ADGRV1: variants seen among roughly 807,000 people sequenced by gnomAD.
ADGRV1 encodes the protein adhesion G protein-coupled receptor V1.
Under a neutral mutation model 596.2 loss-of-function variants are expected in ADGRV1, and 359 were observed. That is an observed-to-expected ratio of 0.60 (90% CI 0.55 to 0.66). ADGRV1 has a LOEUF of 0.66. Ranked by LOEUF, ADGRV1 falls within the 30% of genes least tolerant of loss-of-function variation. ADGRV1 has a pLI of 0.00. For missense variants in ADGRV1, 7,274 were observed against 7,575.6 expected, an observed-to-expected ratio of 0.96 and a Z score of 1.48; for synonymous variants, 2,681 against 2,679.2, an observed-to-expected ratio of 1.00 and a Z score of -0.02.
chr5:90,728,099 T>A (rs2149808629), intron 48 of ADGRV1, among the ~76,000 whole-genome samples: 1 of 152,336 alleles, frequency 6.6e-6, no homozygotes, highest in South Asian at 2.1e-4. Flanking sequence ...AAGTTCCTAA[T>A]TGTTGACTGA....
intron 82 of ADGRV1, among the ~76,000 whole-genome samples, chr5:90,858,625 A>C (rs964381389): frequency 1.3e-5 from 2 of 152,050 alleles, no homozygotes; most frequent in Non-Finnish European, 2.9e-5. Flanking sequence ...TGGGATTACA[A>C]ATGTGAACCA....
At chr5:91,034,801 T>A (rs1010164235) in intron 85 of ADGRV1, among the ~76,000 whole-genome samples, 1 of 152,154 alleles carries the variant, frequency 6.6e-6, no homozygotes, top group African/African-American at 2.4e-5. Flanking sequence ...TTGGTGGACA[T>A]CCTCTTTATC....
intron 87 of ADGRV1, among the ~76,000 whole-genome samples, chr5:91,125,165 A>G (rs1233535498): frequency 1.3e-5 from 2 of 152,188 alleles, no homozygotes; most frequent in Non-Finnish European, 2.9e-5. Flanking sequence ...TATTGCATGT[A>G]TTCTCAACAC....
intron 83 of ADGRV1, among the ~76,000 whole-genome samples, chr5:90,930,076 T>A (rs568007207): frequency 4.7e-4 from 72 of 152,344 alleles, no homozygotes; most frequent in African/African-American, 1.7e-3. Flanking sequence ...CTAAACATCT[T>A]CTTTTTGTTG....
intron 86 of ADGRV1, among the ~76,000 whole-genome samples, chr5:91,079,217 A>G (rs1001554770): frequency 2.0e-5 from 3 of 152,212 alleles, no homozygotes; most frequent in African/African-American, 7.2e-5. Context: ...TAAAAAAACA[A>G]TGCCTTGGGG....
chr5:90,573,721 A>G (rs941873538), intron 1 of ADGRV1, among the ~76,000 whole-genome samples: 1 of 152,208 alleles, frequency 6.6e-6, no homozygotes, highest in African/African-American at 2.4e-5. Flanking sequence ...TGAAGTTTTA[A>G]AATGTTGTTT....
chr5:91,047,413 C>T (rs535229844), intron 85 of ADGRV1, among the ~76,000 whole-genome samples: 3 of 152,188 alleles, frequency 2.0e-5, no homozygotes, highest in South Asian at 2.1e-4. Context: ...TGAGGAGCAA[C>T]GAAGCCAGTC....
At chr5:90,945,257 T>C (rs185075676) in intron 83 of ADGRV1, among the ~76,000 whole-genome samples, 253 of 152,244 alleles carry the variant, frequency 1.7e-3, no homozygotes, top group African/African-American at 5.8e-3. Context: ...TTTTTTGTTC[T>C]TCTCTGTTCT....
rs75371831 is a variant in ADGRV1, at chr5:90,900,947, AT to A, written c.17856+37096del. Among the ~76,000 whole-genome samples the A allele has an allele frequency of 4.6e-3, 701 of 152,004 alleles. 6 individuals carry two copies. Among genetic ancestry groups the A allele is most frequent in the Non-Finnish European group, 7.2e-3 (491 of 67,994 alleles). On this transcript the variant is annotated intron_variant, in intron 83 of 89. Coordinates refer to ENST00000405460, the MANE Select transcript of ADGRV1 (RefSeq NM_032119.4). ...AATATTTTGGCATATTTGTTTTCAGATTTTTTCCCCTGACTAATCCCATTTT... is the reference window on the plus strand; with the variant it reads ...AATATTTTGGCATATTTGTTTTCAGATTTTTCCCCTGACTAATCCCATTTT...
chr5:91,069,954 T>G (rs1162446653), intron 85 of ADGRV1, among the ~76,000 whole-genome samples: 3 of 149,430 alleles, frequency 2.0e-5, no homozygotes, highest in Admixed American at 2.0e-4. Context: ...TGAAATCATG[T>G]CCTTTGCGAC....
intron 83 of ADGRV1, among the ~76,000 whole-genome samples, chr5:90,893,906 G>T (rs1771061651): frequency 6.6e-6 from 1 of 152,140 alleles, no homozygotes; most frequent in South Asian, 2.1e-4. Flanking sequence ...TATTTTAGGT[G>T]TAAATGTATC....
chr5:90,978,992 A>T (rs1049752393), intron 84 of ADGRV1, among the ~76,000 whole-genome samples: 26 of 152,258 alleles, frequency 1.7e-4, no homozygotes, highest in African/African-American at 5.5e-4. Context: ...TATTCTGATA[A>T]GCCTTTGTAA....
chr5:90,660,542 T>A (rs1199529821), intron 21 of ADGRV1, among the ~76,000 whole-genome samples: 1 of 152,050 alleles, frequency 6.6e-6, no homozygotes, highest in Non-Finnish European at 1.5e-5. Flanking sequence ...TTAAAAAAAA[T>A]TCCCTCAAAA....
At chr5:90,704,903 C>A (rs6894453) in intron 36 of ADGRV1, among the ~76,000 whole-genome samples, 53,065 of 151,626 alleles carry the variant, frequency 0.35, 9,547 homozygotes, top group Admixed American at 0.49. Context: ...CGCCGCCTCC[C>A]GGGTTCAAGC....
chr5:90,721,148 T>C (rs1458530422), intron 45 of ADGRV1, 89 bp downstream of exon 45: 1 of 1,123,112 alleles, frequency 8.9e-7, no homozygotes, highest in Non-Finnish European at 1.3e-6. Flanking sequence ...AATTGTATGT[T>C]ATTGATCATT....
chr5:90,777,140 T>C (rs1219680818), intron 61 of ADGRV1, among the ~76,000 whole-genome samples: 1 of 152,150 alleles, frequency 6.6e-6, no homozygotes. Flanking sequence ...CTTACAATTA[T>C]GGCAGAAGGC....
intron 84 of ADGRV1, among the ~76,000 whole-genome samples, chr5:90,974,047 C>T (rs1462029523): frequency 6.6e-6 from 1 of 152,166 alleles, no homozygotes; most frequent in Non-Finnish European, 1.5e-5. Flanking sequence ...CATTCTTATA[C>T]ACCAATAACA....
intron 85 of ADGRV1, among the ~76,000 whole-genome samples, chr5:90,989,314 T>C (rs527535181): frequency 1.3e-5 from 2 of 152,184 alleles, no homozygotes; most frequent in African/African-American, 2.4e-5. Flanking sequence ...TGTTTAAAAT[T>C]GATATCCTAA....
rs1047993432 is a variant in ADGRV1 at position 90,705,512 on chromosome 5, A to G, written c.8499A>G (p.Arg2833=). ...TTTTAAATTTTGCTCTTTCATCAAGATTTGTGTTACTACAAGAGGCTAACA... is the reference window on the plus strand; with the variant it reads ...TTTTAAATTTTGCTCTTTCATCAAGGTTTGTGTTACTACAAGAGGCTAACA... ...HGVLNFALSS[R]FVLLQEANIT... The change falls in exon 37 of 90, where the codon AGA becomes AGG. Residue 2833 remains arginine (R), a synonymous_variant. Coordinates refer to ENST00000405460, the MANE Select transcript of ADGRV1 (RefSeq NM_032119.4). 1.9e-6 allele frequency: 3 copies of G among 1,613,758 alleles called. No individual in the cohort carries two copies. The highest frequency in any genetic ancestry group is 2.7e-5 in the African/African-American group (2 of 74,912).
Sources: allele counts gnomAD v4.1 joint callset (sites outside exome capture counted in the v4.1 genomes callset), GRCh38; gene constraint gnomAD v4.1.1; transcripts MANE v1.5; gene names NCBI Gene and HGNC (gene_info 2026-07-23, HGNC 2026-07-21).